Variants in CNTN5 observed in about 807,000 individuals in gnomAD.
CNTN5 encodes contactin 5, also known as contactin-5.
CNTN5 carries 77 observed loss-of-function variants against 129.1 expected under a neutral mutation model. That is an observed-to-expected ratio of 0.60 (90% CI 0.50 to 0.72). CNTN5 has a LOEUF of 0.72. Ranked by LOEUF, CNTN5 falls within the 30% of genes least tolerant of loss-of-function variation. The pLI is 0.00. For synonymous variants in CNTN5, 509 were observed against 465.6 expected, an observed-to-expected ratio of 1.09 and a Z score of -1.20; for missense variants, 1,478 against 1,328.8, an observed-to-expected ratio of 1.11 and a Z score of -1.75.
intron 2 of CNTN5, among the ~76,000 whole-genome samples, chr11:99,418,034 A>T (rs2174356): frequency 1 from 152,149 of 152,258 alleles, 76,020 homozygotes; most frequent in Non-Finnish European, 1. Flanking sequence ...AGTAATTTAA[A>T]CTGCTCAAGG....
intron 2 of CNTN5, among the ~76,000 whole-genome samples, chr11:99,474,507 A>T (rs1022327563): frequency 7.9e-5 from 12 of 152,044 alleles, no homozygotes; most frequent in African/African-American, 2.4e-4. Flanking sequence ...AAATTCTAAT[A>T]AAAAAAGCCC....
chr11:100,203,068 C>G (rs901135737), intron 15 of CNTN5, among the ~76,000 whole-genome samples: 1 of 152,064 alleles, frequency 6.6e-6, no homozygotes, highest in Admixed American at 6.6e-5. Flanking sequence ...TACTACTATA[C>G]TTACTTGATC....
At chr11:99,465,419 A>T (rs1013952194) in intron 2 of CNTN5, among the ~76,000 whole-genome samples, 7 of 152,214 alleles carry the variant, frequency 4.6e-5, no homozygotes, top group African/African-American at 1.7e-4. Context: ...TGCATTATAC[A>T]TATATTTAAT....
chr11:99,813,698 G>T (rs1359767856), intron 3 of CNTN5, among the ~76,000 whole-genome samples: 15 of 152,164 alleles, frequency 9.9e-5, no homozygotes, highest in African/African-American at 3.6e-4. Context: ...AACTAGAAAA[G>T]GAGATAAAAA....
chr11:99,716,374 C>A (rs1955228796), intron 3 of CNTN5, among the ~76,000 whole-genome samples: 1 of 152,014 alleles, frequency 6.6e-6, no homozygotes, highest in African/African-American at 2.4e-5. Flanking sequence ...CCTCTCTTGG[C>A]TTCAATAATA....
chr11:100,308,433 A>T lies in CNTN5; in HGVS notation c.2695A>T (p.Ile899Phe), dbSNP rs778754969. ...VSEILVAWKHIKESLGRPQGF... is the reference protein window; with the variant it reads ...VSEILVAWKHFKESLGRPQGF... ...AGAGATTCTTGTTGCATGGAAACAC[A>T]TTAAAGAGAGTCTAGGAAGACCACA... The change falls in exon 21 of 25, where the codon ATT becomes TTT. Residue 899 changes from isoleucine to phenylalanine, a missense_variant. By Grantham distance (21) the Ile-to-Phe change is conservative. Coordinates refer to ENST00000524871, the MANE Select transcript of CNTN5 (RefSeq NM_014361.4). 2 of 1,610,928 alleles carry T rather than the reference A, an allele frequency of 1.2e-6. No individual in the cohort carries two copies. The highest frequency in any genetic ancestry group is 3.3e-5 in the Admixed American group (2 of 59,782).
chr11:99,590,188 T>C (rs1484141915), intron 3 of CNTN5, among the ~76,000 whole-genome samples: 1 of 152,122 alleles, frequency 6.6e-6, no homozygotes, highest in African/African-American at 2.4e-5. Flanking sequence ...GCAATGATTA[T>C]ACAAGTCAAA....
chr11:99,920,924 A>G (rs1376444087), intron 7 of CNTN5, among the ~76,000 whole-genome samples: 2 of 152,122 alleles, frequency 1.3e-5, no homozygotes, highest in African/African-American at 4.8e-5. Context: ...TTTTAGTTTT[A>G]TATGAGGCCT....
At chr11:99,130,533 A>G (rs1163860492) in intron 1 of CNTN5, among the ~76,000 whole-genome samples, 1 of 152,188 alleles carries the variant, frequency 6.6e-6, no homozygotes. Flanking sequence ...GTAATGCCCT[A>G]CTGTCAGTAT....
In CNTN5 at chr11:100,049,747, G is replaced by C. The variant is rs1942861356; in HGVS notation, c.981-11465G>C. Among the ~76,000 whole-genome samples the C allele has an allele frequency of 2.7e-5, 4 of 150,192 alleles. No individual in the cohort carries two copies. The Admixed American group carries it at 2.7e-4, about 10-fold the overall frequency. On this transcript the variant is annotated intron_variant, in intron 9 of 24. Coordinates refer to ENST00000524871, the MANE Select transcript of CNTN5 (RefSeq NM_014361.4). ...TCACCTGACAAAGGGCTAATATCCA[G>C]AATCTACAATGAACTCCAACAAATT...
intron 20 of CNTN5, among the ~76,000 whole-genome samples, chr11:100,303,299 A>G (rs981892968): frequency 6.6e-6 from 1 of 151,638 alleles, no homozygotes; most frequent in African/African-American, 2.4e-5. Context: ...TTAAAAAAAA[A>G]GAATAGTGAA....
chr11:100,094,057 G>C (rs971239054), intron 13 of CNTN5, among the ~76,000 whole-genome samples: 1 of 152,036 alleles, frequency 6.6e-6, no homozygotes, highest in Non-Finnish European at 1.5e-5. Context: ...AATAATGGTG[G>C]TTAATTACAT....
chr11:100,313,964 T>C (rs1263806655), intron 21 of CNTN5, among the ~76,000 whole-genome samples: 1 of 152,168 alleles, frequency 6.6e-6, no homozygotes, highest in Non-Finnish European at 1.5e-5. Flanking sequence ...TTACAGGTTA[T>C]TGGTGATAAC....
intron 2 of CNTN5, among the ~76,000 whole-genome samples, chr11:99,457,965 G>T (rs1457235501): frequency 6.6e-6 from 1 of 151,696 alleles, no homozygotes; most frequent in Non-Finnish European, 1.5e-5. Context: ...ATGGTTCTCA[G>T]TAATTCTTTA....
intron 2 of CNTN5, among the ~76,000 whole-genome samples, chr11:99,541,224 A>G (rs1264964972): frequency 2.0e-5 from 3 of 152,148 alleles, no homozygotes; most frequent in Non-Finnish European, 4.4e-5. Flanking sequence ...CATGCCTGAA[A>G]CTTCTTGTAG....
At chr11:99,955,226 A>C (rs2136164122) in intron 7 of CNTN5, among the ~76,000 whole-genome samples, 1 of 151,542 alleles carries the variant, frequency 6.6e-6, no homozygotes, top group South Asian at 2.1e-4. Flanking sequence ...CTTCCATTAT[A>C]GCAATTAAAG....
At chr11:99,498,013 A>T (rs1268420952) in intron 2 of CNTN5, among the ~76,000 whole-genome samples, 1 of 152,118 alleles carries the variant, frequency 6.6e-6, no homozygotes, top group African/African-American at 2.4e-5. Flanking sequence ...TCTACATGTT[A>T]GCTACTGTGT....
At position 99,889,569 on chromosome 11, in the gene CNTN5, C is replaced by T. The variant is rs373616537; in HGVS notation, c.578-26485C>T. 6.8e-5 allele frequency among the ~76,000 whole-genome samples: 9 copies of T among 133,136 alleles called. No individual in the cohort carries two copies. In the South Asian group the frequency reaches 1.4e-3, roughly 21 times the overall value. The allele number at this position is 133,136 out of a possible 152,430, so 87.3% of individuals were successfully genotyped here. A position where few individuals can be genotyped will look rare whatever the true frequency, so the allele number is the denominator to read the frequency against. The stretch of plus-strand genomic sequence containing the variant: ...TTTTCTTTTGAGATTGAGTTTCACT[C>T]TTGTTGCCCAGGCTGGAGTGCAGTG... On this transcript the variant is annotated intron_variant, in intron 6 of 24. Transcript: ENST00000524871.
rs956313198 is a variant in CNTN5, at chr11:99,961,379, C to T, written c.877+4370C>T. On this transcript the variant is annotated intron_variant, in intron 8 of 24. Coordinates refer to ENST00000524871, the MANE Select transcript of CNTN5 (RefSeq NM_014361.4). ...TAAATCTATATTATTAATGAGAATG[C>T]TGAAGGAGAGGAAGAGCATCACCAA... Among the ~76,000 whole-genome samples, 10 of 152,064 alleles carry T rather than the reference C, an allele frequency of 6.6e-5. 1 individual carries two copies. In the Middle Eastern group the frequency reaches 0.014, roughly 207 times the overall value.
Sources: allele counts gnomAD v4.1 joint callset (sites outside exome capture counted in the v4.1 genomes callset), GRCh38; gene constraint gnomAD v4.1.1; transcripts MANE v1.5; gene names NCBI Gene and HGNC (gene_info 2026-07-23, HGNC 2026-07-21).